The following FSD1L variants were observed in gnomAD, a reference collection of about 807,000 sequenced individuals.
FSD1L encodes FSD1-like protein.
In FSD1L, 45 loss-of-function variants were observed where a neutral mutation model predicts 71.6. The observed-to-expected ratio is 0.63, with a 90% confidence interval of 0.49 to 0.81. The LOEUF (loss-of-function observed/expected upper bound fraction) is 0.81. Among genes scored for constraint, FSD1L ranks in the 30% least tolerant of loss-of-function variants. FSD1L has a pLI of 0.00. For synonymous variants in FSD1L, 197 were observed against 207.2 expected (o/e 0.95, Z 0.42); for missense variants, 561 against 618.1 (o/e 0.91, Z 0.98).
At chr9:105,457,801 C>T (rs1830448853) in intron 1 of FSD1L, among the ~76,000 whole-genome samples, 1 of 152,220 alleles carries the variant, frequency 6.6e-6, no homozygotes, top group Non-Finnish European at 1.5e-5. Context: ...GGGGTCCGGC[C>T]ACTGTGCACA....
rs549860829 is a variant in FSD1L, at chr9:105,495,497, G to A, written c.587-10902G>A. Among the ~76,000 whole-genome samples the A allele has an allele frequency of 2.4e-3, 364 of 152,270 alleles. 3 individuals are homozygous for A. Among genetic ancestry groups the A allele is most frequent in the African/African-American group, 7.9e-3 (330 of 41,554 alleles). On this transcript the variant is annotated intron_variant, in intron 7 of 13. Transcript: ENST00000481272. Reference sequence around the variant, plus strand: ...CCCTGCTTCGGCTCGTGCAGGGTGCGCTGCACCCACTGTCCTGCGCCCACT... The same window carrying A: ...CCCTGCTTCGGCTCGTGCAGGGTGCACTGCACCCACTGTCCTGCGCCCACT...
chr9:105,471,622 T>C (rs1427896986), intron 4 of FSD1L, among the ~76,000 whole-genome samples: 2 of 151,592 alleles, frequency 1.3e-5, no homozygotes, highest in African/African-American at 4.8e-5. Flanking sequence ...AGTGTATCTT[T>C]ACCTGTATGC....
chr9:105,524,080 C>G, intron 10 of FSD1L: 5 of 1,611,266 alleles, frequency 3.1e-6, no homozygotes, highest in Non-Finnish European at 4.2e-6. Context: ...ATAATCAAAA[C>G]TGTATTAAGC....
At chr9:105,447,951 C>A (rs900154522), upstream of FSD1L, 2 of 528,480 alleles carry the variant, frequency 3.8e-6, no homozygotes, top group South Asian at 2.3e-5. Flanking sequence ...CGCTCCCCAC[C>A]CTCCACGGCT....
In FSD1L at chr9:105,551,002, A is replaced by G. The variant is rs560381949; in HGVS notation, c.*4519A>G. On this transcript the variant is annotated 3_prime_UTR_variant, in exon 14 of 14. Transcript: ENST00000481272. ...GTTTGCTTTGGCTTGGAGCTTATTA[A>G]GTTTTGACTACGGTTAAAATAAGTC... is the stretch of plus-strand genomic sequence containing the variant. The G allele has an allele frequency of 6.6e-6, 1 of 152,236 alleles. No homozygotes were observed. The highest frequency in any genetic ancestry group is 2.1e-4 in the South Asian group (1 of 4,826). The allele number at this position is 152,236 out of a possible 1,614,324, so 9.4% of individuals were successfully genotyped here.
At chr9:105,480,356 G>C (rs542879582) in intron 6 of FSD1L, among the ~76,000 whole-genome samples, 15 of 150,310 alleles carry the variant, frequency 1.0e-4, no homozygotes, top group Non-Finnish European at 2.2e-4. Context: ...GCAGTGGTGC[G>C]ATCTTGTCAC....
In FSD1L at chr9:105,464,269, A is replaced by G. The variant is rs1830911726; in HGVS notation, c.145A>G (p.Asn49Asp). The change falls in exon 3 of 14, where the codon AAT (asparagine) becomes GAT (aspartate). Residue 49 changes from asparagine (N) to aspartate (D), a missense_variant. Physicochemically the swap from Asn to Asp is conservative, Grantham distance 23. This residue lies in a region of FSD1L where 410 missense variants were observed against 413.5 expected (regional missense o/e 0.99). Coordinates refer to ENST00000481272, the MANE Select transcript of FSD1L (RefSeq NM_001145313.3). ...ALQRIISTLA[N>D]KNDEIQNFID... ...ACAGAGGATCATTTCAACTCTGGCA[A>G]ATAAAAATGATGAAATTCAGAACTT... is the stretch of plus-strand genomic sequence containing the variant. 1 of 1,527,388 alleles carries G rather than the reference A, an allele frequency of 6.5e-7. No homozygotes were observed. 94.6% of individuals were successfully genotyped at this position (1,527,388 alleles called of 1,614,324 possible). A position where few individuals can be genotyped will look rare whatever the true frequency, so the allele number is the denominator to read the frequency against.
chr9:105,537,143 T>C (rs2131502729), intron 12 of FSD1L, among the ~76,000 whole-genome samples: 1 of 152,344 alleles, frequency 6.6e-6, no homozygotes, highest in Non-Finnish European at 1.5e-5. Context: ...TACAGTCATC[T>C]AATGTATAAT....
Position 105,512,863 on chromosome 9 carries a change from A to T in FSD1L, c.952A>T (p.Thr318Ser). The T allele has an allele frequency of 6.5e-7, 1 of 1,542,022 alleles. No individual in the cohort carries two copies. Among genetic ancestry groups the T allele is most frequent in the Non-Finnish European group, 8.8e-7 (1 of 1,141,714 alleles). The change falls in exon 10 of 14, where the codon ACA becomes TCA. Residue 318 changes from threonine to serine, a missense_variant. Thr to Ser is a moderately conservative substitution (Grantham distance 58). Around this residue, in one of 3 missense-constraint regions of FSD1L, gnomAD observed 410 missense variants for 413.5 expected, o/e 0.99. Coordinates refer to ENST00000481272, the MANE Select transcript of FSD1L (RefSeq NM_001145313.3). ...CCATTTGAACCTGAAAGTTGAAGAT[A>T]CATGTGTAGAGTGGGATCCTACTGG... The part of the protein sequence containing the change: ...SSHLNLKVED[T>S]CVEWDPTGGK...
At chr9:105,483,131 A>G (rs984743557) in intron 6 of FSD1L, among the ~76,000 whole-genome samples, 1 of 152,242 alleles carries the variant, frequency 6.6e-6, no homozygotes, top group East Asian at 1.9e-4. Context: ...CTTGGCATAT[A>G]GTAAGCAGTC....
intron 10 of FSD1L, among the ~76,000 whole-genome samples, chr9:105,513,351 C>T (rs1024643684): frequency 6.6e-6 from 1 of 152,082 alleles, no homozygotes; most frequent in South Asian, 2.1e-4. Flanking sequence ...CACAATGAAC[C>T]TAAGAGGCAG....
chr9:105,502,242 G>T (rs1012524527), intron 7 of FSD1L, among the ~76,000 whole-genome samples: 1 of 152,050 alleles, frequency 6.6e-6, no homozygotes, highest in Non-Finnish European at 1.5e-5. Flanking sequence ...AAAGTTTATG[G>T]TATTGTAATG....
At position 105,468,262 on chromosome 9, in the gene FSD1L, G is replaced by A; in HGVS notation, c.277G>A (p.Val93Ile). ...FDSLYSILDE[V>I]KESMINCIKQ... ...TAGTTTATACTCTATACTGGATGAA[G>A]TAAAAGAAAGTATGATTAACTGTAT... Residue 93 changes from valine (V) to isoleucine (I), a missense_variant, in exon 4 of 14, where the codon GTA becomes ATA. Coordinates refer to ENST00000481272, the MANE Select transcript of FSD1L (RefSeq NM_001145313.3). 1 of 1,482,980 alleles carries A rather than the reference G, an allele frequency of 6.7e-7. No individual in the cohort carries two copies. Among genetic ancestry groups the A allele is most frequent in the Non-Finnish European group, 8.9e-7 (1 of 1,122,532 alleles). 91.9% of individuals were successfully genotyped at this position (1,482,980 alleles called of 1,614,324 possible).
intron 6 of FSD1L, among the ~76,000 whole-genome samples, 161 bp downstream of exon 6, chr9:105,479,537 G>A (rs1832032872): frequency 6.6e-6 from 1 of 152,162 alleles, no homozygotes; most frequent in Admixed American, 6.5e-5. Context: ...AATAACCATT[G>A]TATCAATAAA....
rs1484325366 is a variant in FSD1L, at chr9:105,513,980, T to C, written c.1025+1044T>C. The stretch of plus-strand genomic sequence containing the variant: ...CGTTAGTCTAACATTATAGCTTCGC[T>C]TTTATTTGTATTTGACACACAGCAG... On this transcript the variant is annotated intron_variant, in intron 10 of 13. Coordinates refer to ENST00000481272, the MANE Select transcript of FSD1L (RefSeq NM_001145313.3). Among the ~76,000 whole-genome samples, 3 of 152,212 alleles carry C rather than the reference T, an allele frequency of 2.0e-5. No homozygotes were observed. The East Asian group carries it at 5.8e-4, about 29-fold the overall frequency.
intron 7 of FSD1L, among the ~76,000 whole-genome samples, chr9:105,489,405 G>T (rs951814395): frequency 6.6e-6 from 1 of 152,094 alleles, no homozygotes; most frequent in African/African-American, 2.4e-5. Context: ...TATATTTAAA[G>T]AAATGTTTGG....
chr9:105,474,537 C>T (rs1025042249), intron 5 of FSD1L, among the ~76,000 whole-genome samples: 14 of 152,300 alleles, frequency 9.2e-5, no homozygotes, highest in African/African-American at 3.1e-4. Context: ...GGACTACAGG[C>T]CTGCCTCAAA....
At chr9:105,490,401 A>T (rs1489393684) in intron 7 of FSD1L, among the ~76,000 whole-genome samples, 2 of 152,182 alleles carry the variant, frequency 1.3e-5, no homozygotes, top group Non-Finnish European at 2.9e-5. Flanking sequence ...GATTCTGGAT[A>T]CCTGCCCTTT....
chr9:105,489,651 C>T (rs1159910647), intron 7 of FSD1L, among the ~76,000 whole-genome samples: 1 of 152,114 alleles, frequency 6.6e-6, no homozygotes, highest in Non-Finnish European at 1.5e-5. Context: ...GCTATCCCTC[C>T]CCACTCCCCT....
Sources: gnomAD v4.1 joint callset for allele counts (sites outside exome capture counted in the v4.1 genomes callset) on GRCh38, gnomAD v4.1.1 for gene constraint, gnomAD v4.1.1 regional missense constraint, MANE v1.5 for transcripts, NCBI Gene and HGNC (gene_info 2026-07-23, HGNC 2026-07-21) for gene names.